Variants in OPCML observed in about 807,000 individuals in gnomAD.
The protein encoded by OPCML is opioid binding protein/cell adhesion molecule like.
Under a neutral mutation model 37.8 loss-of-function variants are expected in OPCML, and 13 were observed. The ratio of observed to expected loss-of-function variants is 0.34; its 90% CI spans 0.22 to 0.55. OPCML has a LOEUF of 0.55. Ranked by LOEUF, OPCML falls within the 20% of genes least tolerant of loss-of-function variation. The pLI is 0.91. For missense variants in OPCML, 341 were observed against 435.6 expected (o/e 0.78, Z 1.93); for synonymous variants, 176 against 168.8 (o/e 1.04, Z -0.33).
chr11:132,954,305 GA>G (rs1945928036), intron 1 of OPCML, among the ~76,000 whole-genome samples: 1 of 152,106 alleles, frequency 6.6e-6, no homozygotes, highest in South Asian at 2.1e-4. Context: ...TATGGTATGA[GA>G]AGATTAAAAA....
At chr11:133,203,580 AC>A (rs1334371964) in intron 1 of OPCML, among the ~76,000 whole-genome samples, 2 of 152,176 alleles carry the variant, frequency 1.3e-5, no homozygotes, top group Non-Finnish European at 2.9e-5. Flanking sequence ...AAGAGGTAGA[AC>A]TAGAAGATAA....
At chr11:133,114,700 C>A (rs544868604) in intron 1 of OPCML, among the ~76,000 whole-genome samples, 1 of 132,160 alleles carries the variant, frequency 7.6e-6, no homozygotes, top group South Asian at 2.7e-4. Flanking sequence ...GCATCTAATT[C>A]TTTTACCACT....
chr11:133,215,274 C>A (rs1423439964), intron 1 of OPCML, among the ~76,000 whole-genome samples: 1 of 152,254 alleles, frequency 6.6e-6, no homozygotes, highest in South Asian at 2.1e-4. Flanking sequence ...AAACACCCAT[C>A]TCTTTAAAAT....
intron 1 of OPCML, among the ~76,000 whole-genome samples, chr11:133,163,160 C>T (rs571352769): frequency 2.0e-5 from 3 of 152,274 alleles, no homozygotes; most frequent in East Asian, 1.9e-4. Context: ...GTTTCTCTTA[C>T]GAGCCTTGCC....
chr11:133,130,969 A>G (rs1247821745), intron 1 of OPCML, among the ~76,000 whole-genome samples: 1 of 152,082 alleles, frequency 6.6e-6, no homozygotes, highest in Non-Finnish European at 1.5e-5. Flanking sequence ...CAAAATATCT[A>G]TGTTGAAACC....
intron 1 of OPCML, among the ~76,000 whole-genome samples, chr11:133,321,573 CA>C (rs1943330791): frequency 6.6e-6 from 1 of 152,062 alleles, no homozygotes; most frequent in East Asian, 1.9e-4. Flanking sequence ...GACATTTTCA[CA>C]GGATGGGCCA....
chr11:132,984,964 G>T (rs74798680), intron 1 of OPCML, among the ~76,000 whole-genome samples: 2,176 of 151,992 alleles, frequency 0.014, 65 homozygotes, highest in African/African-American at 0.05. Context: ...CCTGTCCTTT[G>T]TTCCCCCGTA....
At chr11:132,754,313 G>C (rs1945954011) in intron 2 of OPCML, among the ~76,000 whole-genome samples, 1 of 152,164 alleles carries the variant, frequency 6.6e-6, no homozygotes, top group Non-Finnish European at 1.5e-5. Context: ...TGAATCATGG[G>C]GATAAGTCTT....
At chr11:132,788,130 C>T (rs1474739353) in intron 2 of OPCML, among the ~76,000 whole-genome samples, 1 of 152,150 alleles carries the variant, frequency 6.6e-6, no homozygotes, top group Non-Finnish European at 1.5e-5. Flanking sequence ...TCACCCACCT[C>T]GGCCTCCCAA....
intron 3 of OPCML, among the ~76,000 whole-genome samples, chr11:132,595,983 T>C (rs1201577062): frequency 1.3e-5 from 2 of 152,216 alleles, no homozygotes; most frequent in Non-Finnish European, 2.9e-5. Flanking sequence ...GAGTAAGTGA[T>C]ACATTGTTTT....
chr11:133,530,044 C>A (rs1349953697), intron 1 of OPCML, among the ~76,000 whole-genome samples: 2 of 152,180 alleles, frequency 1.3e-5, no homozygotes, highest in Non-Finnish European at 2.9e-5. Flanking sequence ...AGAAAGAGGG[C>A]ATGTTGCAGT....
At chr11:133,005,945 G>T in intron 1 of OPCML, 2 of 985,424 alleles carry the variant, frequency 2.0e-6, no homozygotes, top group African/African-American at 3.5e-5. Flanking sequence ...GCTCATGGAT[G>T]TGTGCAGCTT....
At chr11:133,349,007 G>A (rs1363726010) in intron 1 of OPCML, among the ~76,000 whole-genome samples, 1 of 152,138 alleles carries the variant, frequency 6.6e-6, no homozygotes, top group Non-Finnish European at 1.5e-5. Context: ...CGGGGGCTTC[G>A]TCATGGGACC....
intron 1 of OPCML, chr11:133,300,847 A>G (rs1216249795): frequency 6.6e-6 from 1 of 152,202 alleles, no homozygotes; most frequent in East Asian, 1.9e-4. Flanking sequence ...CAGAGACTGG[A>G]TTGGTGCGGG....
chr11:132,800,870 T>C (rs1253486926), intron 2 of OPCML, among the ~76,000 whole-genome samples: 3 of 152,200 alleles, frequency 2.0e-5, no homozygotes, highest in African/African-American at 7.2e-5. Flanking sequence ...TTACATGTGA[T>C]GTACTTGCCT....
intron 3 of OPCML, among the ~76,000 whole-genome samples, chr11:132,641,510 TG>T (rs1940850392): frequency 6.6e-6 from 1 of 152,206 alleles, no homozygotes; most frequent in South Asian, 2.1e-4. Context: ...GAGCTATCCT[TG>T]GGCGTCTTTT....
chr11:133,475,238 G>A (rs1194458165), intron 1 of OPCML, among the ~76,000 whole-genome samples: 1 of 143,462 alleles, frequency 7.0e-6, no homozygotes, highest in Admixed American at 6.9e-5. Flanking sequence ...TTTTGTTGTT[G>A]TTGTTGTTTT....
chr11:133,011,343 G>A (rs562227352), intron 1 of OPCML, among the ~76,000 whole-genome samples: 4 of 152,194 alleles, frequency 2.6e-5, no homozygotes, highest in African/African-American at 9.6e-5. Context: ...CAGTGTGAGA[G>A]AAGTGAGCCC....
chr11:132,911,949 G>C (rs559836416), intron 2 of OPCML, among the ~76,000 whole-genome samples: 45 of 152,110 alleles, frequency 3.0e-4, no homozygotes, highest in Non-Finnish European at 4.4e-4. Flanking sequence ...TTATCCCTTT[G>C]TTCCTCTTCA....
Sources: allele counts gnomAD v4.1 joint callset (sites outside exome capture counted in the v4.1 genomes callset), GRCh38; gene constraint gnomAD v4.1.1; transcripts MANE v1.5; gene names NCBI Gene and HGNC (gene_info 2026-07-23, HGNC 2026-07-21).